ARHGEF1: variants seen among roughly 807,000 people sequenced by gnomAD.
ARHGEF1 encodes the protein Rho guanine nucleotide exchange factor 1, also known as 115 kDa guanine nucleotide exchange factor.
ARHGEF1 carries 40 observed loss-of-function variants against 119.7 expected under a neutral mutation model. That is an observed-to-expected ratio of 0.33 (90% CI 0.26 to 0.44). The LOEUF (loss-of-function observed/expected upper bound fraction) is 0.44, where lower values mean the gene tolerates loss of function less well. Among genes scored for constraint, ARHGEF1 ranks in the 20% least tolerant of loss-of-function variants. ARHGEF1 has a pLI of 1.00. For synonymous variants in ARHGEF1, 494 were observed against 521.0 expected, an observed-to-expected ratio of 0.95 and a Z score of 0.71; for missense variants, 976 against 1,268.3, an observed-to-expected ratio of 0.77 and a Z score of 3.50.
chr19:41,918,322 T>TAC (rs1331189656), upstream of ARHGEF1, among the ~76,000 whole-genome samples: 1 of 145,468 alleles, frequency 6.9e-6, no homozygotes, highest in Admixed American at 6.8e-5. Context: ...ACACACCACA[T>TAC]ACACACACAC....
Position 41,902,020 on chromosome 19 carries a change from C to G in ARHGEF1, c.1401C>G (p.Leu467=). The change falls in exon 15 of 29, where the codon CTC becomes CTG. Residue 467 remains leucine (L), a synonymous_variant. Coordinates refer to ENST00000354532, the MANE Select transcript of ARHGEF1 (RefSeq NM_004706.4). This position sits in a 1 kb window ranked among gnomAD's most constrained non-coding sequence, Gnocchi z 6.5. ...ACATCTTCCCCAGCCTGGACGAGCT[C>G]ATCGAGGTGCATTGTGAGTGCAGAG... is the stretch of plus-strand genomic sequence containing the variant. The part of the protein sequence containing the change: ...LQNIFPSLDE[L]IEVHSLFLDR... The G allele has an allele frequency of 1.2e-6, 2 of 1,614,016 alleles. No individual in the cohort carries two copies. The highest frequency in any genetic ancestry group is 1.7e-6 in the Non-Finnish European group (2 of 1,179,948).
Position 41,905,830 on chromosome 19 carries a change from G to A in ARHGEF1, c.2404+3G>A. 6.2e-7 allele frequency: 1 copy of A among 1,614,158 alleles called. No individual in the cohort carries two copies. Among genetic ancestry groups the A allele is most frequent in the Non-Finnish European group, 8.5e-7 (1 of 1,180,008 alleles). The stretch of plus-strand genomic sequence containing the variant: ...CCGAGAGACGTCTCCAGCTGATGGT[G>A]AGACCAGAGGGATGCTGGGTGAGGG... On this transcript the variant is annotated splice_donor_region_variant and intron_variant, in intron 25 of 28. Coordinates refer to ENST00000354532, the MANE Select transcript of ARHGEF1 (RefSeq NM_004706.4). The surrounding 1 kb of genome is among the most constrained non-coding windows in gnomAD (Gnocchi z 6.4).
In ARHGEF1 at chr19:41,902,264, GC is replaced by G. The variant is rs1392274959; in HGVS notation, c.1415-5del. The stretch of plus-strand genomic sequence containing the variant: ...CCTGGTGGAGCATCCCTTTCCTCCT[GC>G]CCCCACAGCCCTGTTCCTCGATCGC... On this transcript the variant is annotated splice_polypyrimidine_tract_variant and intron_variant, in intron 15 of 28. Coordinates refer to ENST00000354532, the MANE Select transcript of ARHGEF1 (RefSeq NM_004706.4). The surrounding 1 kb of genome is among the most constrained non-coding windows in gnomAD (Gnocchi z 6.5). 1 of 1,613,852 alleles carries G rather than the reference GC, an allele frequency of 6.2e-7. No homozygotes were observed. Among genetic ancestry groups the G allele is most frequent in the Non-Finnish European group, 8.5e-7 (1 of 1,179,946 alleles).
downstream of ARHGEF1, chr19:41,907,488 T>A: frequency 1.5e-6 from 2 of 1,367,882 alleles, no homozygotes; most frequent in Non-Finnish European, 2.0e-6. Context: ...GGGCCTGGCA[T>A]GGCGTCTGGA....
rs199926354 is a variant in ARHGEF1, at chr19:41,892,169, C to T, written c.324+46C>T. On this transcript the variant is annotated intron_variant, in intron 5 of 28. Coordinates refer to ENST00000354532, the MANE Select transcript of ARHGEF1 (RefSeq NM_004706.4). This position sits in a 1 kb window ranked among gnomAD's most constrained non-coding sequence, Gnocchi z 6.3. Reference sequence around the variant, plus strand: ...CCCAACCCTGCAATCCCTGTTTGGGCCTGCAGAGTCACCATGCGGTCCCCA... The same window carrying T: ...CCCAACCCTGCAATCCCTGTTTGGGTCTGCAGAGTCACCATGCGGTCCCCA... 1.1e-5 allele frequency: 17 copies of T among 1,575,434 alleles called. No homozygotes were observed. Among genetic ancestry groups the T allele is most frequent in the Non-Finnish European group, 1.4e-5 (16 of 1,149,216 alleles).
chr19:41,914,725 T>C (rs1186427540), intron 18 of ARHGEF1, among the ~76,000 whole-genome samples: 1 of 20,388 alleles, frequency 4.9e-5, no homozygotes. Flanking sequence ...TGTCTCTCCC[T>C]CCCCTTCCAC....
chr19:41,903,001 C>A lies in ARHGEF1; in HGVS notation c.1738+103C>A. On this transcript the variant is annotated intron_variant, in intron 18 of 28. Transcript: ENST00000354532. This position sits in a 1 kb window ranked among gnomAD's most constrained non-coding sequence, Gnocchi z 4.2. The stretch of plus-strand genomic sequence containing the variant: ...TGATACCATCACAGCTCACTGCAGC[C>A]TCAACCTCCCAGGATCTACCATCCT... 1 of 979,454 alleles carries A rather than the reference C, an allele frequency of 1.0e-6. No individual in the cohort carries two copies. The allele number at this position is 979,454 out of a possible 1,614,324, so 60.7% of individuals were successfully genotyped here. A position where few individuals can be genotyped will look rare whatever the true frequency, so the allele number is the denominator to read the frequency against.
At position 41,906,525 on chromosome 19, in the gene ARHGEF1, G is replaced by A; in HGVS notation, c.2560G>A (p.Asp854Asn). 6.3e-7 allele frequency: 1 copy of A among 1,583,176 alleles called. No individual in the cohort carries two copies. Among genetic ancestry groups the A allele is most frequent in the Non-Finnish European group, 8.5e-7 (1 of 1,172,168 alleles). The change falls in exon 27 of 29, where the codon GAT (aspartate) becomes AAT (asparagine). Residue 854 changes from aspartate to asparagine, a missense_variant. Around this residue, in one of 3 missense-constraint regions of ARHGEF1, gnomAD observed 171 missense variants for 180.6 expected, o/e 0.95. Transcript: ENST00000354532. The surrounding 1 kb of genome is among the most constrained non-coding windows in gnomAD (Gnocchi z 4.5). ...DNGAGPPRDGDGVPGGGPLSP... is the reference protein window; with the variant it reads ...DNGAGPPRDGNGVPGGGPLSP... ...TGGGGCGGGGCCTCCTCGAGATGGG[G>A]ATGGGGTCCCAGGGGGCGGCCCCCT...
At chr19:41,909,446 G>A (rs2074740540), downstream of ARHGEF1, 3 of 1,239,308 alleles carry the variant, frequency 2.4e-6, no homozygotes, top group Admixed American at 4.2e-5. This position sits in a 1 kb window ranked among gnomAD's most constrained non-coding sequence, Gnocchi z 5.2. Flanking sequence ...TTGGTCTTGT[G>A]GAGAATCCGC....
intron 11 of ARHGEF1, 118 bp downstream of exon 11, chr19:41,894,779 G>A: frequency 7.9e-7 from 1 of 1,259,782 alleles, no homozygotes; most frequent in South Asian, 1.2e-5. Context: ...TCTGAGGGAG[G>A]AGGGGATGGG....
rs1303231682 is a variant in ARHGEF1, at chr19:41,895,386, G to A, written c.915G>A (p.Val305=). Reference sequence around the variant, plus strand: ...GTGCTACAGACCGGAAGGGAGGCGTGGGGATGCCCTCTCGGGACCGGAATA... The same window carrying A: ...GTGCTACAGACCGGAAGGGAGGCGTAGGGATGCCCTCTCGGGACCGGAATA... ...KPGATDRKGG[V]GMPSRDRNIG... Residue 305 remains valine, a synonymous_variant, in exon 12 of 29, where the codon GTG becomes GTA. Transcript: ENST00000354532. The A allele has an allele frequency of 1.2e-6, 2 of 1,612,286 alleles. No homozygotes were observed. The highest frequency in any genetic ancestry group is 2.7e-5 in the African/African-American group (2 of 74,842).
Position 41,928,917 on chromosome 19 carries a change from G to GA in ARHGEF1, c.228dup (p.Asp77GlufsTer13). 1 of 456,356 alleles carries GA rather than the reference G, an allele frequency of 2.2e-6. No homozygotes were observed. The highest frequency in any genetic ancestry group is 4.4e-6 in the Non-Finnish European group (1 of 226,772). 28.3% of individuals were successfully genotyped at this position (456,356 alleles called of 1,614,324 possible). A position where few individuals can be genotyped will look rare whatever the true frequency, so the allele number is the denominator to read the frequency against. The stretch of plus-strand genomic sequence containing the variant: ...TGCTGGACACGCAAGCCTGGACCGG[G>GA]ACTGGAACACGGACCCGCACACACG... On this transcript the variant is annotated frameshift_variant, in exon 2 of 3. Coordinates refer to the ARHGEF1 transcript ENST00000594417. LOFTEE classifies it high-confidence loss of function.
In ARHGEF1 at chr19:41,917,120, C is replaced by T. The variant is rs970381087; in HGVS notation, c.1866-5972C>T. Among the ~76,000 whole-genome samples, 4 of 152,150 alleles carry T rather than the reference C, an allele frequency of 2.6e-5. No individual in the cohort carries two copies. The highest frequency in any genetic ancestry group is 2.1e-4 in the South Asian group (1 of 4,818). On this transcript the variant is annotated intron_variant, in intron 18 of 20. Coordinates refer to the ARHGEF1 transcript ENST00000599589. The surrounding 1 kb of genome is among the most constrained non-coding windows in gnomAD (Gnocchi z 4.8). ...GGTCTCTCTCAGCCCCTTCGGGTGT[C>T]GGCGCATCTTTCTGTCTGTCTCTGT...
At position 41,896,420 on chromosome 19, in the gene ARHGEF1, C is replaced by T; in HGVS notation, c.1059C>T (p.Gly353=). The T allele has an allele frequency of 6.8e-7, 1 of 1,469,320 alleles. No individual in the cohort carries two copies. The highest frequency in any genetic ancestry group is 2.5e-5 in the East Asian group (1 of 40,652). 91.0% of individuals were successfully genotyped at this position (1,469,320 alleles called of 1,614,324 possible). A position where few individuals can be genotyped will look rare whatever the true frequency, so the allele number is the denominator to read the frequency against. Residue 353 remains glycine (G), a synonymous_variant, in exon 13 of 29, where the codon GGC becomes GGT. Coordinates refer to ENST00000354532, the MANE Select transcript of ARHGEF1 (RefSeq NM_004706.4). ...PLELGDSSPQ[G]PMSLESLAPP... is the part of the protein sequence containing the mutation. ...AGCTGGGGGACTCATCCCCGCAGGG[C>T]CCAATGAGCCTGGAGTCCTTGGCGC...
At position 41,894,747 on chromosome 19, in the gene ARHGEF1, G is replaced by A. The variant is rs113166807; in HGVS notation, c.877+86G>A. Reference sequence around the variant, plus strand: ...GGACGCCTGGGTCTGAGGGAGGAGGGGCTGGGACCTGGACGCCTGGTTCTG... The same window carrying A: ...GGACGCCTGGGTCTGAGGGAGGAGGAGCTGGGACCTGGACGCCTGGTTCTG... On this transcript the variant is annotated intron_variant, in intron 11 of 28. Transcript: ENST00000354532. 11,041 of 1,427,756 alleles carry A rather than the reference G, an allele frequency of 7.7e-3. 497 individuals are homozygous for A. The African/African-American group carries it at 0.34, about 44-fold the overall frequency. The allele number at this position is 1,427,756 out of a possible 1,614,324, so 88.4% of individuals were successfully genotyped here. A position where few individuals can be genotyped will look rare whatever the true frequency, so the allele number is the denominator to read the frequency against.
upstream of ARHGEF1, among the ~76,000 whole-genome samples, chr19:41,920,481 C>T (rs568720052): frequency 1.0e-4 from 15 of 146,322 alleles, no homozygotes; most frequent in Non-Finnish European, 1.8e-4. Flanking sequence ...AACTCACAGA[C>T]GTGACACACA....
In ARHGEF1 at chr19:41,883,866, C is replaced by G. The variant is rs2074255063; in HGVS notation, c.-20+577C>G. Among the ~76,000 whole-genome samples, 1 of 152,046 alleles carries G rather than the reference C, an allele frequency of 6.6e-6. No homozygotes were observed. Among genetic ancestry groups the G allele is most frequent in the Admixed American group, 6.6e-5 (1 of 15,264 alleles). On this transcript the variant is annotated intron_variant, in intron 1 of 28. Coordinates refer to ENST00000354532, the MANE Select transcript of ARHGEF1 (RefSeq NM_004706.4). The surrounding 1 kb of genome is among the most constrained non-coding windows in gnomAD (Gnocchi z 7.6). ...CAGGTGTAGGGAGAGAGCTGGAGGC[C>G]TTCTCCCATTGTACGGATGGGAAGA...
Position 41,892,974 on chromosome 19 carries a change from T to TG in ARHGEF1, c.614+130dup, listed in dbSNP as rs2074401920. 5 of 1,348,022 alleles carry TG rather than the reference T, an allele frequency of 3.7e-6. No individual in the cohort carries two copies. The highest frequency in any genetic ancestry group is 4.9e-6 in the Non-Finnish European group (5 of 1,023,350). The allele number at this position is 1,348,022 out of a possible 1,614,324, so 83.5% of individuals were successfully genotyped here. A position where few individuals can be genotyped will look rare whatever the true frequency, so the allele number is the denominator to read the frequency against. On this transcript the variant is annotated intron_variant, in intron 7 of 28. Coordinates refer to ENST00000354532, the MANE Select transcript of ARHGEF1 (RefSeq NM_004706.4). The surrounding 1 kb of genome is among the most constrained non-coding windows in gnomAD (Gnocchi z 6.3). ...AGGGTCAGAGTTCATTTCTTGGCACTGGGGGTCTTCCTCTACCCTGGTGTT... is the reference window on the plus strand; with the variant it reads ...AGGGTCAGAGTTCATTTCTTGGCACTGGGGGGTCTTCCTCTACCCTGGTGTT...
chr19:41,912,819 G>T (rs1555851377), intron 18 of ARHGEF1: 7 of 861,788 alleles, frequency 8.1e-6, no homozygotes, highest in Non-Finnish European at 9.2e-6. Context: ...CCTGAGGGGT[G>T]GGGGAAGGGG....
Sources: allele counts gnomAD v4.1 joint callset (sites outside exome capture counted in the v4.1 genomes callset), GRCh38; gene constraint gnomAD v4.1.1; regional missense constraint gnomAD v4.1.1; non-coding constraint Gnocchi (gnomAD v3.1); transcripts MANE v1.5; gene names NCBI Gene and HGNC (gene_info 2026-07-23, HGNC 2026-07-21).